ALK: variants seen among roughly 807,000 people sequenced by gnomAD.
ALK encodes the protein ALK tyrosine kinase receptor.
ALK carries 74 observed loss-of-function variants against 163.1 expected under a neutral mutation model. The ratio of observed to expected loss-of-function variants is 0.45; its 90% CI spans 0.38 to 0.55. The LOEUF is 0.55. Ranked by LOEUF, ALK falls within the 20% of genes least tolerant of loss-of-function variation. The pLI is 0.00. For synonymous variants in ALK, 960 were observed against 843.2 expected (o/e 1.14, Z -2.40); for missense variants, 2,063 against 2,105.3 (o/e 0.98, Z 0.39).
intron 1 of ALK, among the ~76,000 whole-genome samples, chr2:29,853,114 T>A (rs1394012340): frequency 1.3e-5 from 2 of 152,190 alleles, no homozygotes; most frequent in Non-Finnish European, 2.9e-5. Flanking sequence ...AAACTAGCAG[T>A]TGCTGTTATT....
intron 4 of ALK, among the ~76,000 whole-genome samples, chr2:29,408,081 C>T (rs369074399): frequency 1.4e-4 from 20 of 140,888 alleles, no homozygotes; most frequent in East Asian, 4.1e-4. Context: ...AGGGAAAGTT[C>T]TTTTTCTTTT....
chr2:29,568,529 C>T (rs1674259137), intron 3 of ALK, among the ~76,000 whole-genome samples: 1 of 151,994 alleles, frequency 6.6e-6, no homozygotes, highest in Non-Finnish European at 1.5e-5. Context: ...GTAGGGAGGG[C>T]AGGCTTTTCA....
intron 5 of ALK, among the ~76,000 whole-genome samples, chr2:29,381,765 G>T (rs895441537): frequency 6.6e-6 from 1 of 152,052 alleles, no homozygotes; most frequent in Admixed American, 6.6e-5. Context: ...ATAGACATTT[G>T]CCTACATCGA....
chr2:29,422,060 G>A, intron 4 of ALK, among the ~76,000 whole-genome samples: 1 of 151,440 alleles, frequency 6.6e-6, no homozygotes, highest in East Asian at 1.9e-4. Flanking sequence ...CTCCAGTGAG[G>A]CTCCCTGAGC....
intron 3 of ALK, among the ~76,000 whole-genome samples, chr2:29,576,410 A>G (rs928875480): frequency 6.6e-6 from 1 of 152,132 alleles, no homozygotes; most frequent in Non-Finnish European, 1.5e-5. Flanking sequence ...CTGCCTTCCA[A>G]CTGCAGGCTA....
At chr2:29,728,153 C>T (rs1679627590) in intron 1 of ALK, among the ~76,000 whole-genome samples, 1 of 152,202 alleles carries the variant, frequency 6.6e-6, no homozygotes, top group African/African-American at 2.4e-5. Context: ...GAAACCAATA[C>T]TTCATGTGTG....
intron 1 of ALK, among the ~76,000 whole-genome samples, chr2:29,836,525 G>GCCAGAGCTAATTTTGTGGC (rs1386350433): frequency 6.6e-6 from 1 of 152,122 alleles, no homozygotes; most frequent in Non-Finnish European, 1.5e-5. Context: ...CAACTCCCTA[G>GCCAGAGCTAATTTTGTGGC]CCAGAGCTAA....
chr2:29,354,389 T>G (rs1243126128), intron 5 of ALK, among the ~76,000 whole-genome samples: 1 of 152,142 alleles, frequency 6.6e-6, no homozygotes, highest in African/African-American at 2.4e-5. Flanking sequence ...ATTCCTTTCT[T>G]CAGAATTCAA....
rs12618645 is a variant in ALK, at chr2:29,586,939, G to C, written c.953-54823C>G. ...TTAGCTGAGATTCCCAGACTCCTGG[G>C]ACCAGTTCCAGGACGGAGGAGCACT... On this transcript the variant is annotated intron_variant, in intron 3 of 28. Transcript: ENST00000389048. Among the ~76,000 whole-genome samples the C allele has an allele frequency of 3.0e-3, 452 of 152,242 alleles. 3 individuals carry two copies. The East Asian group carries it at 0.031, about 10-fold the overall frequency.
chr2:29,803,832 G>T lies in ALK; in HGVS notation c.668-86135C>A, dbSNP rs114620026. On this transcript the variant is annotated intron_variant, in intron 1 of 28. Coordinates refer to ENST00000389048, the MANE Select transcript of ALK (RefSeq NM_004304.5). Reference sequence around the variant, plus strand: ...CTTTGGTGCGTCATGCCTCATAAAAGACGCTGTTCTCCATTTCCTTACATG... The same window carrying T: ...CTTTGGTGCGTCATGCCTCATAAAATACGCTGTTCTCCATTTCCTTACATG... Among the ~76,000 whole-genome samples, 596 of 152,298 alleles carry T rather than the reference G, an allele frequency of 3.9e-3. 5 individuals carry two copies. Among genetic ancestry groups the T allele is most frequent in the African/African-American group, 0.013 (555 of 41,564 alleles).
At chr2:29,799,631 T>C (rs1664411656) in intron 1 of ALK, among the ~76,000 whole-genome samples, 1 of 152,162 alleles carries the variant, frequency 6.6e-6, no homozygotes, top group South Asian at 2.1e-4. Flanking sequence ...CTCAGTGAGC[T>C]ATGATTGCAC....
intron 3 of ALK, among the ~76,000 whole-genome samples, chr2:29,556,229 C>T (rs1673855036): frequency 6.6e-6 from 1 of 152,150 alleles, no homozygotes; most frequent in South Asian, 2.1e-4. Flanking sequence ...CCATTACTTG[C>T]TGTGTGATCT....
At chr2:29,406,731 C>CTT (rs1267971695) in intron 4 of ALK, among the ~76,000 whole-genome samples, 1 of 151,992 alleles carries the variant, frequency 6.6e-6, no homozygotes, top group Admixed American at 6.6e-5. Flanking sequence ...GAAACCTCAT[C>CTT]TCTACTGAAA....
At position 29,920,612 on chromosome 2, in the gene ALK, C is replaced by A; in HGVS notation, c.48G>T (p.Thr16=). The A allele has an allele frequency of 6.4e-7, 1 of 1,552,332 alleles. No homozygotes were observed. Among genetic ancestry groups the A allele is most frequent in the South Asian group, 1.2e-5 (1 of 85,446 alleles). The change falls in exon 1 of 29, where the codon ACG becomes ACT. Residue 16 remains threonine, a synonymous_variant. Coordinates refer to ENST00000389048, the MANE Select transcript of ALK (RefSeq NM_004304.5). The part of the protein sequence containing the change: ...LLWLLPLLLS[T]AAVGSGMGTG... ...TCCCCATCCCGGAGCCCACAGCTGC[C>A]GTGGAAAGCAGCAGCGGCAGGAGCC...
chr2:29,516,735 C>G (rs899083927), intron 4 of ALK, among the ~76,000 whole-genome samples: 2 of 152,164 alleles, frequency 1.3e-5, no homozygotes, highest in Non-Finnish European at 2.9e-5. Flanking sequence ...ACCTCACAGG[C>G]CCATTGTGAA....
intron 1 of ALK, among the ~76,000 whole-genome samples, chr2:29,877,968 AT>A (rs1308579258): frequency 6.6e-6 from 1 of 152,196 alleles, no homozygotes; most frequent in African/African-American, 2.4e-5. Flanking sequence ...TGACTACCAG[AT>A]TATAGGGTAG....
intron 1 of ALK, among the ~76,000 whole-genome samples, chr2:29,850,106 T>C (rs1490752274): frequency 6.6e-6 from 1 of 152,130 alleles, no homozygotes; most frequent in Non-Finnish European, 1.5e-5. Context: ...GACAAATCAA[T>C]GGCAGTGTAT....
Position 29,895,308 on chromosome 2 carries a change from T to C in ALK, c.667+24685A>G, listed in dbSNP as rs140059361. Among the ~76,000 whole-genome samples the C allele has an allele frequency of 4.5e-3, 693 of 152,338 alleles. 7 individuals carry two copies. Among genetic ancestry groups the C allele is most frequent in the African/African-American group, 0.016 (662 of 41,584 alleles). Reference sequence around the variant, plus strand: ...CTTGGGAAGGCAGACCACACTGCAGTGCACTGGGATTCCATTAGAAAGTCT... The same window carrying C: ...CTTGGGAAGGCAGACCACACTGCAGCGCACTGGGATTCCATTAGAAAGTCT... On this transcript the variant is annotated intron_variant, in intron 1 of 28. Coordinates refer to ENST00000389048, the MANE Select transcript of ALK (RefSeq NM_004304.5).
intron 7 of ALK, chr2:29,319,315 T>C (rs943976172): frequency 6.6e-6 from 1 of 152,246 alleles, no homozygotes; most frequent in African/African-American, 2.4e-5. Context: ...CTTTAGTCTT[T>C]CCTTTCTACC....
Sources: gnomAD v4.1 joint callset for allele counts (sites outside exome capture counted in the v4.1 genomes callset) on GRCh38, gnomAD v4.1.1 for gene constraint, MANE v1.5 for transcripts, NCBI Gene and HGNC (gene_info 2026-07-23, HGNC 2026-07-21) for gene names.